Variants in CTNNA1 observed in about 807,000 individuals in gnomAD.
CTNNA1 encodes catenin alpha-1.
In CTNNA1, 37 loss-of-function variants were observed where a neutral mutation model predicts 98.4. The observed-to-expected ratio is 0.38, with a 90% CI of 0.29 to 0.49. CTNNA1 has a LOEUF of 0.49. Ranked by LOEUF, CTNNA1 falls within the 20% of genes least tolerant of loss-of-function variation. CTNNA1 has a pLI of 0.95. For synonymous variants in CTNNA1, 404 were observed against 413.2 expected, an observed-to-expected ratio of 0.98 and a Z score of 0.27; for missense variants, 761 against 1,147.2, an observed-to-expected ratio of 0.66 and a Z score of 4.86.
chr5:138,918,762 C>A (rs1279381315), intron 11 of CTNNA1, among the ~76,000 whole-genome samples: 1 of 152,212 alleles, frequency 6.6e-6, no homozygotes, highest in Middle Eastern at 3.2e-3. Flanking sequence ...GGCTTGCTCT[C>A]TGAAAGTGCC....
intron 7 of CTNNA1, among the ~76,000 whole-genome samples, chr5:138,846,916 A>C (rs1483474324): frequency 6.6e-6 from 1 of 152,222 alleles, no homozygotes; most frequent in Non-Finnish European, 1.5e-5. Flanking sequence ...GATTATTAGA[A>C]GATTCTGCAT....
chr5:138,818,312 G>A (rs888217487), intron 5 of CTNNA1, among the ~76,000 whole-genome samples: 1 of 149,882 alleles, frequency 6.7e-6, no homozygotes, highest in Admixed American at 6.7e-5. Context: ...ATAGGGTCTT[G>A]TTACGTTGTC....
intron 8 of CTNNA1, among the ~76,000 whole-genome samples, 197 bp downstream of exon 8, chr5:138,886,489 A>G (rs897039208): frequency 7.2e-5 from 11 of 152,210 alleles, no homozygotes; most frequent in Admixed American, 2.6e-4. Context: ...GGGATAATAC[A>G]GTCTCACTGT....
At chr5:138,768,950 T>C (rs544869697) in intron 1 of CTNNA1, among the ~76,000 whole-genome samples, 2 of 152,224 alleles carry the variant, frequency 1.3e-5, no homozygotes, top group South Asian at 4.1e-4. Context: ...TCTAGCAGGA[T>C]CCCAGAACTG....
intron 1 of CTNNA1, among the ~76,000 whole-genome samples, chr5:138,767,382 G>T (rs1201620261): frequency 6.6e-6 from 1 of 152,066 alleles, no homozygotes; most frequent in Middle Eastern, 3.2e-3. Flanking sequence ...ACTTCACTGT[G>T]CATCCTCTAT....
chr5:138,904,290 G>A (rs1758688316), intron 9 of CTNNA1, 59 bp from the exon 10 acceptor site: 25 of 1,555,526 alleles, frequency 1.6e-5, no homozygotes, highest in Non-Finnish European at 2.1e-5. Flanking sequence ...CCAGGTGTGT[G>A]TTTTTTCCTT....
chr5:138,765,370 C>A (rs1055094002), intron 1 of CTNNA1, among the ~76,000 whole-genome samples: 1 of 150,602 alleles, frequency 6.6e-6, no homozygotes, highest in Non-Finnish European at 1.5e-5. Flanking sequence ...TTAGTAGAGA[C>A]GAGGTTTCAC....
At chr5:138,849,411 G>A (rs1762998470) in intron 7 of CTNNA1, among the ~76,000 whole-genome samples, 1 of 152,078 alleles carries the variant, frequency 6.6e-6, no homozygotes, top group South Asian at 2.1e-4. Flanking sequence ...GTAAACCTAG[G>A]CATAGCCTAT....
intron 1 of CTNNA1, among the ~76,000 whole-genome samples, chr5:138,774,723 G>A (rs944329155): frequency 5.9e-5 from 9 of 151,824 alleles, no homozygotes; most frequent in Non-Finnish European, 1.3e-4. Flanking sequence ...CCGGGTTCAC[G>A]CCATTCTCCT....
At chr5:138,789,289 C>T (rs1356872603) in intron 3 of CTNNA1, among the ~76,000 whole-genome samples, 1 of 151,876 alleles carries the variant, frequency 6.6e-6, no homozygotes, top group Non-Finnish European at 1.5e-5. Context: ...GGAAAGTTAA[C>T]TAAAGGTATT....
intron 1 of CTNNA1, among the ~76,000 whole-genome samples, chr5:138,757,955 A>T (rs906805327): frequency 6.6e-6 from 1 of 152,112 alleles, no homozygotes; most frequent in African/African-American, 2.4e-5. Context: ...ATCACTGATG[A>T]AATCCTCTCC....
chr5:138,814,000 A>T (rs1367329486), intron 5 of CTNNA1, among the ~76,000 whole-genome samples: 2 of 152,206 alleles, frequency 1.3e-5, no homozygotes. Flanking sequence ...TAGTATTAAA[A>T]ATCTATGCCA....
intron 7 of CTNNA1, among the ~76,000 whole-genome samples, chr5:138,883,491 G>A (rs180957516): frequency 6.6e-6 from 1 of 152,240 alleles, no homozygotes; most frequent in African/African-American, 2.4e-5. Flanking sequence ...TCATGGTGTG[G>A]GTTGCATTGC....
chr5:138,824,850 A>T (rs900953803), intron 6 of CTNNA1, 51 bp downstream of exon 6: 1 of 1,559,418 alleles, frequency 6.4e-7, no homozygotes, highest in Non-Finnish European at 8.8e-7. Flanking sequence ...CCCCCAAAAG[A>T]TAACAGATTT....
At chr5:138,782,165 T>G in intron 2 of CTNNA1, 136 bp downstream of exon 2, 1 of 827,406 alleles carries the variant, frequency 1.2e-6, no homozygotes, top group Non-Finnish European at 1.9e-6. Flanking sequence ...CTTAGATGAT[T>G]TGAATATTGA....
chr5:138,776,705 G>C (rs547599399), intron 1 of CTNNA1, among the ~76,000 whole-genome samples: 3 of 147,008 alleles, frequency 2.0e-5, no homozygotes, highest in Non-Finnish European at 4.5e-5. Flanking sequence ...CGGACGGGGC[G>C]GCTGGCCGGG....
At chr5:138,823,180 T>C (rs1177441678) in intron 5 of CTNNA1, among the ~76,000 whole-genome samples, 1 of 152,242 alleles carries the variant, frequency 6.6e-6, no homozygotes, top group East Asian at 1.9e-4. Flanking sequence ...AAGCCTTTTT[T>C]TCCCTTCTGA....
chr5:138,904,780 A>C, intron 10 of CTNNA1: 1 of 196,002 alleles, frequency 5.1e-6, no homozygotes, highest in Non-Finnish European at 1.0e-5. Flanking sequence ...AACATAGCAA[A>C]ACACCATCTC....
In CTNNA1 at chr5:138,925,342, A is replaced by T; in HGVS notation, c.1834A>T (p.Ile612Phe). 6.2e-7 allele frequency: 1 copy of T among 1,614,194 alleles called. No homozygotes were observed. Among genetic ancestry groups the T allele is most frequent in the Non-Finnish European group, 8.5e-7 (1 of 1,180,052 alleles). The change falls in exon 13 of 18, where the codon ATC (isoleucine) becomes TTC (phenylalanine). Residue 612 changes from isoleucine (I) to phenylalanine (F), a missense_variant. Ile to Phe is a conservative substitution (Grantham distance 21). Around this residue, in one of 6 missense-constraint regions of CTNNA1, gnomAD observed 287 missense variants for 436.0 expected, o/e 0.66. Transcript: ENST00000302763. ...CCAGCCCATGGATGAGAATGAGTTTATCGATGCTTCCCGCCTGGTATATGA... is the reference window on the plus strand; with the variant it reads ...CCAGCCCATGGATGAGAATGAGTTTTTCGATGCTTCCCGCCTGGTATATGA... ...PAQPMDENEFIDASRLVYDGI... is the reference protein window; with the variant it reads ...PAQPMDENEFFDASRLVYDGI...
Sources: gnomAD v4.1 joint callset for allele counts (sites outside exome capture counted in the v4.1 genomes callset) on GRCh38, gnomAD v4.1.1 for gene constraint, gnomAD v4.1.1 regional missense constraint, MANE v1.5 for transcripts, NCBI Gene and HGNC (gene_info 2026-07-23, HGNC 2026-07-21) for gene names.